Variants in PGLYRP3 observed in about 807,000 individuals in gnomAD.
PGLYRP3 encodes peptidoglycan recognition protein 3, also known as peptidoglycan recognition protein I alpha.
PGLYRP3 carries 39 observed loss-of-function variants against 36.0 expected under a neutral mutation model. The ratio of observed to expected loss-of-function variants is 1.08; its 90% CI spans 0.84 to 1.41. The LOEUF (loss-of-function observed/expected upper bound fraction) is 1.41. PGLYRP3 is among the 40% of genes most tolerant of loss of function. The pLI is 0.00. For missense variants in PGLYRP3, 407 were observed against 427.9 expected (o/e 0.95, Z 0.43); for synonymous variants, 204 against 172.8 (o/e 1.18, Z -1.42).
chr1:153,306,723 G>C (rs1444925375), intron 3 of PGLYRP3, among the ~76,000 whole-genome samples: 1 of 152,216 alleles, frequency 6.6e-6, no homozygotes, highest in Non-Finnish European at 1.5e-5. Context: ...CCATTTCTCA[G>C]AGTAGCTGGG....
At chr1:153,308,077 C>A (rs1659797887) in intron 2 of PGLYRP3, among the ~76,000 whole-genome samples, 4 of 151,922 alleles carry the variant, frequency 2.6e-5, no homozygotes, top group Admixed American at 1.3e-4. Flanking sequence ...TCACTGCAGC[C>A]TCCACCTCCC....
intron 3 of PGLYRP3, 121 bp from the exon 4 acceptor site, chr1:153,305,186 A>G (rs1254050046): frequency 1.5e-5 from 10 of 666,648 alleles, no homozygotes; most frequent in South Asian, 1.1e-4. Flanking sequence ...CAATAACAAA[A>G]CAATAGGAGG....
chr1:153,298,368 G>A (rs1659495805), intron 7 of PGLYRP3, among the ~76,000 whole-genome samples: 1 of 152,074 alleles, frequency 6.6e-6, no homozygotes, highest in Non-Finnish European at 1.5e-5. Flanking sequence ...AAACTGCTGT[G>A]GAGGGGGCCA....
intron 1 of PGLYRP3, among the ~76,000 whole-genome samples, chr1:153,312,368 G>A (rs1382786263): frequency 6.6e-6 from 1 of 152,074 alleles, no homozygotes; most frequent in Non-Finnish European, 1.5e-5. Flanking sequence ...AAGAATTTAG[G>A]GCTCTACAGA....
chr1:153,302,460 T>C lies in PGLYRP3; in HGVS notation c.677A>G (p.Asn226Ser), dbSNP rs1271884462. ...VSTDCQTVVR[N>S]IQSFHMDTRN... Reference sequence around the variant, plus strand: ...TGTGTCCATGTGAAAGGACTGTATGTTTCGGACGACAGTCTGGCAGTCTGT... The same window carrying C: ...TGTGTCCATGTGAAAGGACTGTATGCTTCGGACGACAGTCTGGCAGTCTGT... Residue 226 changes from asparagine to serine, a missense_variant, in exon 6 of 8, where the codon AAC (asparagine) becomes AGC (serine). Physicochemically the swap from Asn to Ser is conservative, Grantham distance 46. Coordinates refer to ENST00000683862, the MANE Select transcript of PGLYRP3 (RefSeq NM_052891.3). 1.2e-6 allele frequency: 2 copies of C among 1,614,106 alleles called. No homozygotes were observed. Among genetic ancestry groups the C allele is most frequent in the African/African-American group, 2.7e-5 (2 of 74,926 alleles).
intron 6 of PGLYRP3, 38 bp downstream of exon 6, chr1:153,302,371 A>C: frequency 6.2e-7 from 1 of 1,601,962 alleles, no homozygotes; most frequent in Non-Finnish European, 8.6e-7. Flanking sequence ...TACAATCCTG[A>C]AGAAAAAGAG....
intron 6 of PGLYRP3, 122 bp from the exon 7 acceptor site, chr1:153,299,353 C>G (rs1659530095): frequency 1.1e-5 from 8 of 755,274 alleles, no homozygotes; most frequent in Admixed American, 6.8e-5. Context: ...CTGGAGATCT[C>G]TTATGTGCCA....
At chr1:153,299,046 T>C (rs1659518798) in intron 7 of PGLYRP3, 67 bp downstream of exon 7, 2 of 1,356,926 alleles carry the variant, frequency 1.5e-6, no homozygotes, top group African/African-American at 1.4e-5. Context: ...TTTCCCGCCA[T>C]GCTTCCCAGA....
intron 4 of PGLYRP3, among the ~76,000 whole-genome samples, chr1:153,304,657 A>G (rs1330180773): frequency 2.6e-5 from 4 of 152,230 alleles, no homozygotes; most frequent in Non-Finnish European, 5.9e-5. Flanking sequence ...CAGTCACAGC[A>G]TCTATGTCAG....
chr1:153,311,265 A>G (rs1406926086), intron 1 of PGLYRP3, among the ~76,000 whole-genome samples: 6 of 152,204 alleles, frequency 3.9e-5, no homozygotes, highest in Admixed American at 3.9e-4. Flanking sequence ...TGAGAATCAT[A>G]ATAACAGCTA....
chr1:153,298,592 G>T (rs1433678), intron 7 of PGLYRP3, among the ~76,000 whole-genome samples: 2 of 151,670 alleles, frequency 1.3e-5, no homozygotes, highest in African/African-American at 4.9e-5. Flanking sequence ...GCAGTGAGCC[G>T]ACATCACGCC....
At chr1:153,301,300 T>C (rs1437360832) in intron 6 of PGLYRP3, among the ~76,000 whole-genome samples, 3 of 152,214 alleles carry the variant, frequency 2.0e-5, no homozygotes, top group Non-Finnish European at 4.4e-5. Context: ...ATATAGTAGC[T>C]ATCCAATAAC....
Position 153,307,237 on chromosome 1 carries a change from C to G in PGLYRP3, c.86G>C (p.Trp29Ser), listed in dbSNP as rs552250352. The G allele has an allele frequency of 1.9e-5, 30 of 1,608,770 alleles. No homozygotes were observed. The highest frequency in any genetic ancestry group is 1.0e-4 in the South Asian group (9 of 89,918). ...CCTGCAGGCGAGCGGTCTTGCCCCC[C>G]ACTCCTTGCGGGAGACGATGGTGGG... The part of the protein sequence containing the change: ...DTPTIVSRKE[W>S]GARPLACRAL... The change falls in exon 3 of 8, where the codon TGG becomes TCG. Residue 29 changes from tryptophan to serine, a missense_variant. Transcript: ENST00000683862.
rs752775933 is a variant in PGLYRP3 at position 153,297,791 on chromosome 1, G to T, written c.*165C>A. On this transcript the variant is annotated 3_prime_UTR_variant, in exon 8 of 8. Coordinates refer to ENST00000683862, the MANE Select transcript of PGLYRP3 (RefSeq NM_052891.3). Reference sequence around the variant, plus strand: ...TGTGAATGCCCAGCTGTGAGGTTTGGGGGCTCCTGGAGGATGTTGGCAGGA... The same window carrying T: ...TGTGAATGCCCAGCTGTGAGGTTTGTGGGCTCCTGGAGGATGTTGGCAGGA... 35 of 742,476 alleles carry T rather than the reference G, an allele frequency of 4.7e-5. No homozygotes were observed. The highest frequency in any genetic ancestry group is 6.7e-5 in the Non-Finnish European group (31 of 464,786). 46.0% of individuals were successfully genotyped at this position (742,476 alleles called of 1,614,324 possible).
chr1:153,301,445 C>T (rs1373906404), intron 6 of PGLYRP3, among the ~76,000 whole-genome samples: 2 of 152,250 alleles, frequency 1.3e-5, no homozygotes, highest in Admixed American at 6.5e-5. Context: ...AGTCAAGGAA[C>T]GGGGATGGAG....
In PGLYRP3 at chr1:153,297,546, G is replaced by GAAA. The variant is rs1557805301; in HGVS notation, c.*409_*410insTTT. ...AGGAAGGAAGGAAGGAAGGAAGGAA[G>GAAA]GAAGGAAAGAAAGAAAAAGAAAGAA... On this transcript the variant is annotated 3_prime_UTR_variant, in exon 8 of 8. Coordinates refer to ENST00000683862, the MANE Select transcript of PGLYRP3 (RefSeq NM_052891.3). Among the ~76,000 whole-genome samples the GAAA allele has an allele frequency of 4.1e-4, 38 of 92,266 alleles. No individual in the cohort carries two copies. The highest frequency in any genetic ancestry group is 1.8e-3 in the African/African-American group (36 of 20,308). The allele number at this position is 92,266 out of a possible 152,430, so 60.5% of individuals were successfully genotyped here. A position where few individuals can be genotyped will look rare whatever the true frequency, so the allele number is the denominator to read the frequency against.
intron 6 of PGLYRP3, 103 bp from the exon 7 acceptor site, chr1:153,299,334 C>A: frequency 1.2e-6 from 1 of 867,790 alleles, no homozygotes; most frequent in South Asian, 1.5e-5. Context: ...TCCATTCATC[C>A]AATATTGACT....
chr1:153,299,276 G>T, intron 6 of PGLYRP3, 45 bp from the exon 7 acceptor site: 1 of 1,389,640 alleles, frequency 7.2e-7, no homozygotes, highest in Non-Finnish European at 1.0e-6. Context: ...CTGGGAAACA[G>T]AATTTAAATA....
At chr1:153,299,332 T>C in intron 6 of PGLYRP3, 101 bp from the exon 7 acceptor site, 1 of 885,936 alleles carries the variant, frequency 1.1e-6, no homozygotes, top group Non-Finnish European at 1.8e-6. Context: ...CATCCATTCA[T>C]CCAATATTGA....
Sources: allele counts gnomAD v4.1 joint callset (sites outside exome capture counted in the v4.1 genomes callset), GRCh38; gene constraint gnomAD v4.1.1; transcripts MANE v1.5; gene names NCBI Gene and HGNC (gene_info 2026-07-23, HGNC 2026-07-21).